Variants in ARK2C observed in about 807,000 individuals in gnomAD.
ARK2C encodes the protein arkadia (RNF111) C-terminal like ring finger ubiquitin ligase 2C.
the ARK2C span, among the ~76,000 whole-genome samples, chr18:46,379,471 G>T: frequency 1.3e-5 from 2 of 152,162 alleles, no homozygotes; most frequent in African/African-American, 4.8e-5. Flanking sequence ...TACAGATGAG[G>T]GAATAAGTCC....
the ARK2C span, among the ~76,000 whole-genome samples, chr18:46,362,102 T>C: frequency 6.6e-6 from 1 of 152,012 alleles, no homozygotes; most frequent in East Asian, 1.9e-4. Flanking sequence ...CATATGGGAG[T>C]GTAATGGGGT....
the ARK2C span, among the ~76,000 whole-genome samples, chr18:46,343,819 T>C: frequency 6.6e-6 from 1 of 152,008 alleles, no homozygotes; most frequent in Admixed American, 6.5e-5. Context: ...ATGCAGTAGG[T>C]GGGAAGGGAG....
chr18:46,452,796 G>T, the ARK2C span, among the ~76,000 whole-genome samples: 3 of 152,052 alleles, frequency 2.0e-5, no homozygotes, highest in Non-Finnish European at 4.4e-5. Context: ...GGGTGCATTG[G>T]TCGAGAGCAC....
the ARK2C span, among the ~76,000 whole-genome samples, chr18:46,359,846 G>A: frequency 6.6e-6 from 1 of 152,188 alleles, no homozygotes; most frequent in Admixed American, 6.5e-5. Context: ...TGGGATGGGA[G>A]TGCCTTATGA....
chr18:46,366,968 C>T, the ARK2C span, among the ~76,000 whole-genome samples: 1 of 152,134 alleles, frequency 6.6e-6, no homozygotes, highest in East Asian at 1.9e-4. Flanking sequence ...CCAGTCATCC[C>T]GTTGGACTTC....
the ARK2C span, among the ~76,000 whole-genome samples, chr18:46,352,260 A>G: frequency 1.3e-5 from 2 of 152,152 alleles, no homozygotes; most frequent in African/African-American, 2.4e-5. Context: ...GAAGGCAGCC[A>G]GTATGGACTC....
At chr18:46,374,429 G>T in the ARK2C span, among the ~76,000 whole-genome samples, 1 of 151,916 alleles carries the variant, frequency 6.6e-6, no homozygotes. Context: ...TTCTCCTCCC[G>T]CCAGCCCCTG....
the ARK2C span, among the ~76,000 whole-genome samples, chr18:46,362,494 T>C: frequency 6.6e-6 from 1 of 152,220 alleles, no homozygotes; most frequent in Non-Finnish European, 1.5e-5. Flanking sequence ...AATTTCATCC[T>C]GGAAGCCCTC....
the ARK2C span, among the ~76,000 whole-genome samples, chr18:46,414,506 T>C: frequency 6.6e-6 from 1 of 152,242 alleles, no homozygotes; most frequent in African/African-American, 2.4e-5. Context: ...AACATGCATG[T>C]ACATGCACAT....
the ARK2C span, among the ~76,000 whole-genome samples, chr18:46,429,229 T>G: frequency 1.3e-5 from 2 of 152,248 alleles, no homozygotes; most frequent in African/African-American, 4.8e-5. Flanking sequence ...CTTTGGATTT[T>G]CATTTCTTTT....
the ARK2C span, among the ~76,000 whole-genome samples, chr18:46,378,231 A>G: frequency 1.3e-5 from 2 of 152,220 alleles, no homozygotes; most frequent in Admixed American, 1.3e-4. Flanking sequence ...AAGCAAGACA[A>G]GGACCCTGCA....
the ARK2C span, among the ~76,000 whole-genome samples, chr18:46,419,402 C>T: frequency 6.6e-6 from 1 of 152,150 alleles, no homozygotes; most frequent in African/African-American, 2.4e-5. Flanking sequence ...AGCATTCCCC[C>T]TGCTAGGTGG....
the ARK2C span, among the ~76,000 whole-genome samples, chr18:46,338,314 T>C: frequency 1.3e-5 from 2 of 152,196 alleles, no homozygotes; most frequent in African/African-American, 4.8e-5. Context: ...AGGAAGATGT[T>C]TGAAACAGAA....
chr18:46,396,471 T>C, the ARK2C span, among the ~76,000 whole-genome samples: 4 of 152,214 alleles, frequency 2.6e-5, no homozygotes, highest in Admixed American at 1.3e-4. Context: ...GTGAACTCCA[T>C]GACAGTATGG....
chr18:46,366,321 A>T, the ARK2C span, among the ~76,000 whole-genome samples: 1 of 131,248 alleles, frequency 7.6e-6, no homozygotes, highest in Non-Finnish European at 1.6e-5. Flanking sequence ...AAAAAAAAAT[A>T]GAGAGAGAGA....
the ARK2C span, among the ~76,000 whole-genome samples, chr18:46,408,530 C>T: frequency 2.6e-5 from 4 of 152,186 alleles, no homozygotes; most frequent in Non-Finnish European, 4.4e-5. Context: ...GGAACTTACC[C>T]GTAGTCAAAC....
chr18:46,416,353 A>G, the ARK2C span, among the ~76,000 whole-genome samples: 1 of 152,206 alleles, frequency 6.6e-6, no homozygotes, highest in Non-Finnish European at 1.5e-5. Flanking sequence ...TGAAGAAGTC[A>G]TCATCCATCC....
chr18:46,415,700 C>A, the ARK2C span, among the ~76,000 whole-genome samples: 24 of 152,144 alleles, frequency 1.6e-4, no homozygotes, highest in Non-Finnish European at 3.1e-4. Context: ...TGATGCTGAG[C>A]AAGTCTTTCT....
chr18:46,445,332 A>G, the ARK2C span, among the ~76,000 whole-genome samples: 1 of 152,234 alleles, frequency 6.6e-6, no homozygotes, highest in East Asian at 1.9e-4. Flanking sequence ...TAAGTCTCAA[A>G]AGGCTCTTCT....
Sources: gnomAD v4.1 joint callset for allele counts (sites outside exome capture counted in the v4.1 genomes callset) on GRCh38, gnomAD v4.1.1 for gene constraint, MANE v1.5 for transcripts, NCBI Gene and HGNC (gene_info 2026-07-23, HGNC 2026-07-21) for gene names.